CAMTA1: variants seen among roughly 807,000 people sequenced by gnomAD.
CAMTA1 encodes calmodulin-binding transcription activator 1.
CAMTA1 carries 27 observed loss-of-function variants against 170.9 expected under a neutral mutation model. That is an observed-to-expected ratio of 0.16 (90% CI 0.12 to 0.22). The LOEUF is 0.22. Among genes scored for constraint, CAMTA1 ranks in the 10% least tolerant of loss-of-function variants. The pLI is 1.00. For missense variants in CAMTA1, 1,619 were observed against 2,217.2 expected, an observed-to-expected ratio of 0.73 and a Z score of 5.42; for synonymous variants, 833 against 891.5, an observed-to-expected ratio of 0.93 and a Z score of 1.17.
At chr1:6,878,328 CT>C (rs1394203454) in intron 3 of CAMTA1, among the ~76,000 whole-genome samples, 1 of 152,206 alleles carries the variant, frequency 6.6e-6, no homozygotes, top group African/African-American at 2.4e-5. Flanking sequence ...GCTTTTAAGC[CT>C]CAAGTCAAGG....
intron 11 of CAMTA1, among the ~76,000 whole-genome samples, chr1:7,700,538 T>C (rs1190841986): frequency 3.3e-5 from 5 of 152,190 alleles, no homozygotes; most frequent in Non-Finnish European, 7.3e-5. Context: ...GGATTTCTCA[T>C]TCATGCTACA....
chr1:7,689,067 G>T (rs1325844220), intron 11 of CAMTA1, among the ~76,000 whole-genome samples: 2 of 152,090 alleles, frequency 1.3e-5, no homozygotes, highest in South Asian at 2.1e-4. Context: ...TTCAAGACCA[G>T]CCTGGCCAAA....
chr1:7,498,405 G>A lies in CAMTA1; in HGVS notation c.510+30504G>A, dbSNP rs554256425. 3.0e-4 allele frequency among the ~76,000 whole-genome samples: 45 copies of A among 150,362 alleles called. No individual in the cohort carries two copies. The South Asian group carries it at 5.9e-3, about 20-fold the overall frequency. On this transcript the variant is annotated intron_variant, in intron 6 of 22. Transcript: ENST00000303635. ...TGGATGTGTGTGAGTGAATGTGTAT[G>A]AGTGTGTATGAGTGTGTGGATGTGC...
rs140625565 is a variant in CAMTA1, at chr1:6,792,404, T to C, written c.45+6829T>C. On this transcript the variant is annotated intron_variant, in intron 1 of 22. Coordinates refer to ENST00000303635, the MANE Select transcript of CAMTA1 (RefSeq NM_015215.4). ...TATTTCTAAGGTTGTATTGCATCCTTCTGCTTTGAACACCATTGCTTGTAG... is the reference window on the plus strand; with the variant it reads ...TATTTCTAAGGTTGTATTGCATCCTCCTGCTTTGAACACCATTGCTTGTAG... Among the ~76,000 whole-genome samples, 676 of 152,088 alleles carry C rather than the reference T, an allele frequency of 4.4e-3. 8 individuals carry two copies. Among genetic ancestry groups the C allele is most frequent in the African/African-American group, 0.016 (660 of 41,476 alleles).
rs1340599304 is a variant in CAMTA1 at position 7,275,146 on chromosome 1, C to CAAAA, written c.438+25534_438+25537dup. Among the ~76,000 whole-genome samples the CAAAA allele has an allele frequency of 4.9e-3, 406 of 83,132 alleles. 15 individuals carry two copies. The highest frequency in any genetic ancestry group is 0.018 in the African/African-American group (327 of 18,368). The allele number at this position is 83,132 out of a possible 152,430, so 54.5% of individuals were successfully genotyped here. A position where few individuals can be genotyped will look rare whatever the true frequency, so the allele number is the denominator to read the frequency against. On this transcript the variant is annotated intron_variant, in intron 5 of 22. Coordinates refer to ENST00000303635, the MANE Select transcript of CAMTA1 (RefSeq NM_015215.4). ...AGGGAGACAGAGTGAGATTCCATCTCAAAAAAAAAAAAAAAAAGAAGAAAG... is the reference window on the plus strand; with the variant it reads ...AGGGAGACAGAGTGAGATTCCATCTCAAAAAAAAAAAAAAAAAAAAAGAAGAAAG...
At chr1:7,708,864 GTGA>G (rs1448678062) in intron 11 of CAMTA1, among the ~76,000 whole-genome samples, 1 of 152,160 alleles carries the variant, frequency 6.6e-6, no homozygotes, top group Non-Finnish European at 1.5e-5. Context: ...AATGTGGAAG[GTGA>G]TGATAAGTCA....
chr1:7,535,289 G>A (rs1375321951), intron 6 of CAMTA1, among the ~76,000 whole-genome samples: 1 of 151,606 alleles, frequency 6.6e-6, no homozygotes, highest in Non-Finnish European at 1.5e-5. Flanking sequence ...GCCTGCTGAG[G>A]GCTGGGAGCT....
In CAMTA1 at chr1:7,744,939, C is replaced by A. The variant is rs548993505; in HGVS notation, c.4287C>A (p.Asp1429Glu). ...AGTCCTCAGGATTGGAAAGAACAGACCCTGCCACCATTAGCAGTACAATGA... is the reference window on the plus strand; with the variant it reads ...AGTCCTCAGGATTGGAAAGAACAGAACCTGCCACCATTAGCAGTACAATGA... ...PMESSGLERT[D>E]PATISSTMSW... The change falls in exon 17 of 23, where the codon GAC becomes GAA. Residue 1429 changes from aspartate to glutamate, a missense_variant. Around this residue, in one of 8 missense-constraint regions of CAMTA1, gnomAD observed 370 missense variants for 429.4 expected, o/e 0.86. Coordinates refer to ENST00000303635, the MANE Select transcript of CAMTA1 (RefSeq NM_015215.4). 3.6e-5 allele frequency: 58 copies of A among 1,614,116 alleles called. No homozygotes were observed. In the East Asian group the frequency reaches 6.9e-4, roughly 19 times the overall value.
chr1:7,276,293 A>ATTTTTTTTTTTTTTTTT (rs1372402055), intron 5 of CAMTA1, among the ~76,000 whole-genome samples: 1 of 22,058 alleles, frequency 4.5e-5, no homozygotes, highest in Non-Finnish European at 6.7e-5. Context: ...ATATATATAT[A>ATTTTTTTTTTTTTTTTT]TATATATATA....
rs1445538161 is a variant in CAMTA1, at chr1:7,562,945, C to T, written c.511-77455C>T. Among the ~76,000 whole-genome samples, 2 of 152,200 alleles carry T rather than the reference C, an allele frequency of 1.3e-5. No individual in the cohort carries two copies. Among genetic ancestry groups the T allele is most frequent in the Non-Finnish European group, 2.9e-5 (2 of 68,036 alleles). On this transcript the variant is annotated intron_variant, in intron 6 of 22. Coordinates refer to ENST00000303635, the MANE Select transcript of CAMTA1 (RefSeq NM_015215.4). The surrounding 1 kb of genome is among the most constrained non-coding windows in gnomAD (Gnocchi z 4.8). ...TTGGGGCCCACCCACCCCAGCTGGT[C>T]CTTGAATCTGGATTTGGTTGGGGGC...
chr1:7,677,786 G>A, intron 11 of CAMTA1, 53 bp downstream of exon 11: 1 of 1,578,450 alleles, frequency 6.3e-7, no homozygotes, highest in Non-Finnish European at 8.6e-7. Flanking sequence ...AGGGATGCTT[G>A]GGGACTCTTG....
chr1:7,598,743 A>C (rs1557980064), intron 6 of CAMTA1, among the ~76,000 whole-genome samples: 1 of 152,132 alleles, frequency 6.6e-6, no homozygotes, highest in Non-Finnish European at 1.5e-5. Context: ...TCTTCTTTTG[A>C]GAAGTGTCTG....
At chr1:7,192,488 G>A (rs1388396680) in intron 4 of CAMTA1, among the ~76,000 whole-genome samples, 1 of 152,210 alleles carries the variant, frequency 6.6e-6, no homozygotes, top group Admixed American at 6.5e-5. Flanking sequence ...ATTGTAGAAG[G>A]GAGGGCCTGG....
intron 6 of CAMTA1, among the ~76,000 whole-genome samples, chr1:7,573,588 G>A (rs376486662): frequency 1.8e-3 from 270 of 152,306 alleles, no homozygotes; most frequent in African/African-American, 5.5e-3. Context: ...GCCTATGCCC[G>A]GCCTCCCCGC....
chr1:6,910,769 C>T (rs774317570), intron 3 of CAMTA1, among the ~76,000 whole-genome samples: 5 of 152,208 alleles, frequency 3.3e-5, no homozygotes, highest in Non-Finnish European at 7.3e-5. Flanking sequence ...TTGCCTGTCA[C>T]CTACTGGGGC....
Position 7,435,751 on chromosome 1 carries a change from C to T in CAMTA1, c.439-32079C>T, listed in dbSNP as rs112071077. Among the ~76,000 whole-genome samples, 77 of 152,312 alleles carry T rather than the reference C, an allele frequency of 5.1e-4. No homozygotes were observed. The highest frequency in any genetic ancestry group is 1.8e-3 in the African/African-American group (75 of 41,596). ...GGCATTGTCACGGTGGCACAGGGGCCCGCCTATCTGAAGTCAGGGCAATCC... is the reference window on the plus strand; with the variant it reads ...GGCATTGTCACGGTGGCACAGGGGCTCGCCTATCTGAAGTCAGGGCAATCC... On this transcript the variant is annotated intron_variant, in intron 5 of 22. Transcript: ENST00000303635. This position sits in a 1 kb window ranked among gnomAD's most constrained non-coding sequence, Gnocchi z 4.4.
At chr1:6,930,649 G>T (rs562675752) in intron 3 of CAMTA1, among the ~76,000 whole-genome samples, 1 of 152,298 alleles carries the variant, frequency 6.6e-6, no homozygotes, top group African/African-American at 2.4e-5. Flanking sequence ...CTAACTGTGG[G>T]GTCTCTGAAG....
chr1:7,023,819 G>A (rs1701679441), intron 3 of CAMTA1, among the ~76,000 whole-genome samples: 1 of 152,206 alleles, frequency 6.6e-6, no homozygotes, highest in East Asian at 1.9e-4. Flanking sequence ...CTTGAGGTCA[G>A]GAGTTTGAGA....
In CAMTA1 at chr1:7,249,173, C is replaced by G. The variant is rs1256214583; in HGVS notation, c.303-318C>G. On this transcript the variant is annotated intron_variant, in intron 4 of 22. Coordinates refer to ENST00000303635, the MANE Select transcript of CAMTA1 (RefSeq NM_015215.4). This position sits in a 1 kb window ranked among gnomAD's most constrained non-coding sequence, Gnocchi z 4.4. ...CCCTGGCTCTTTTTGCTTTCTGTCT[C>G]TGTTTTGCCTACTTTTCAGTGCAGA... 6.6e-6 allele frequency among the ~76,000 whole-genome samples: 1 copy of G among 152,142 alleles called. No homozygotes were observed. Among genetic ancestry groups the G allele is most frequent in the Non-Finnish European group, 1.5e-5 (1 of 68,024 alleles).
Sources: gnomAD v4.1 joint callset for allele counts (sites outside exome capture counted in the v4.1 genomes callset) on GRCh38, gnomAD v4.1.1 for gene constraint, gnomAD v4.1.1 regional missense constraint, Gnocchi (gnomAD v3.1) non-coding constraint, MANE v1.5 for transcripts, NCBI Gene and HGNC (gene_info 2026-07-23, HGNC 2026-07-21) for gene names.